Variants in CNTN5 observed in about 807,000 individuals in gnomAD.
The protein encoded by CNTN5 is contactin-5.
CNTN5 carries 77 observed loss-of-function variants against 129.1 expected under a neutral mutation model. The ratio of observed to expected loss-of-function variants is 0.60; its 90% confidence interval spans 0.50 to 0.72. CNTN5 has a LOEUF of 0.72. CNTN5 is among the 30% of genes least tolerant of loss of function. CNTN5 has a pLI of 0.00. For synonymous variants in CNTN5, 509 were observed against 465.6 expected, an observed-to-expected ratio of 1.09 and a Z score of -1.20; for missense variants, 1,478 against 1,328.8, an observed-to-expected ratio of 1.11 and a Z score of -1.75.
At chr11:99,277,418 C>A (rs1002835513) in intron 1 of CNTN5, among the ~76,000 whole-genome samples, 1 of 151,662 alleles carries the variant, frequency 6.6e-6, no homozygotes, top group Non-Finnish European at 1.5e-5. Context: ...CATGCACTCA[C>A]ACCATTGAGA....
intron 1 of CNTN5, among the ~76,000 whole-genome samples, chr11:99,037,444 A>G (rs1446714092): frequency 6.6e-6 from 1 of 152,030 alleles, no homozygotes; most frequent in East Asian, 1.9e-4. Context: ...AGCTACAACA[A>G]TGCATATATT....
chr11:99,048,480 G>A (rs1458978333), intron 1 of CNTN5, among the ~76,000 whole-genome samples: 2 of 151,934 alleles, frequency 1.3e-5, no homozygotes, highest in Non-Finnish European at 2.9e-5. Flanking sequence ...TTTTCACATA[G>A]CAAAAATATT....
chr11:99,431,730 A>C (rs1439122183), intron 2 of CNTN5, among the ~76,000 whole-genome samples: 1 of 152,204 alleles, frequency 6.6e-6, no homozygotes, highest in Non-Finnish European at 1.5e-5. Flanking sequence ...TTATTTTGCC[A>C]GCGTTAATGA....
At chr11:99,385,466 T>C (rs995937008) in intron 2 of CNTN5, among the ~76,000 whole-genome samples, 1 of 152,178 alleles carries the variant, frequency 6.6e-6, no homozygotes, top group East Asian at 1.9e-4. Flanking sequence ...ATTTTATTCA[T>C]AAACCAGTAA....
At chr11:99,389,006 T>TTTTATTTTAC (rs1941085181) in intron 2 of CNTN5, among the ~76,000 whole-genome samples, 1 of 147,316 alleles carries the variant, frequency 6.8e-6, no homozygotes, top group Non-Finnish European at 1.5e-5. Flanking sequence ...TTTTATTTTA[T>TTTTATTTTAC]TTTATTTTAT....
intron 1 of CNTN5, among the ~76,000 whole-genome samples, chr11:99,139,925 C>G (rs1237718103): frequency 1.3e-5 from 2 of 151,912 alleles, no homozygotes; most frequent in African/African-American, 4.8e-5. Context: ...GTTTTTAAAG[C>G]CAAAAACCTC....
At chr11:99,533,392 T>C (rs1490752584) in intron 2 of CNTN5, among the ~76,000 whole-genome samples, 1 of 152,248 alleles carries the variant, frequency 6.6e-6, no homozygotes, top group African/African-American at 2.4e-5. Context: ...GGTCTCTGGT[T>C]CCCAGATCCA....
At chr11:100,166,705 GAAAGT>G (rs751647311) in intron 13 of CNTN5, among the ~76,000 whole-genome samples, 30 of 151,648 alleles carry the variant, frequency 2.0e-4, no homozygotes, top group Non-Finnish European at 3.2e-4. Flanking sequence ...AGGCACAAAG[GAAAGT>G]AGTTACTAGC....
chr11:100,184,534 C>T (rs140216024), intron 13 of CNTN5, among the ~76,000 whole-genome samples: 189 of 152,244 alleles, frequency 1.2e-3, no homozygotes, highest in Non-Finnish European at 2.3e-3. Context: ...AGCAAGGGAA[C>T]AGGGACACAT....
rs545468472 is a variant in CNTN5, at chr11:99,825,067, C to T, written c.277+5302C>T. Among the ~76,000 whole-genome samples, 11 of 151,954 alleles carry T rather than the reference C, an allele frequency of 7.2e-5. No homozygotes were observed. The East Asian group carries it at 1.4e-3, about 19-fold the overall frequency. On this transcript the variant is annotated intron_variant, in intron 4 of 24. Coordinates refer to ENST00000524871, the MANE Select transcript of CNTN5 (RefSeq NM_014361.4). ...TTTCTGTTAGTTCTTGCTCATATGG[C>T]GTTGTCTAATAGTATGTGTTAGATA...
At chr11:100,037,376 T>G (rs1460868862) in intron 9 of CNTN5, among the ~76,000 whole-genome samples, 1 of 152,058 alleles carries the variant, frequency 6.6e-6, no homozygotes, top group Non-Finnish European at 1.5e-5. Context: ...TTGCCAGTAT[T>G]TTATTGAGGA....
chr11:99,713,235 A>G (rs1004433267), intron 3 of CNTN5, among the ~76,000 whole-genome samples: 3 of 151,858 alleles, frequency 2.0e-5, no homozygotes, highest in Admixed American at 6.6e-5. Flanking sequence ...GCATTTTATT[A>G]TCTTTGTAGC....
At chr11:99,315,943 TAG>T (rs1389222214) in intron 1 of CNTN5, among the ~76,000 whole-genome samples, 1 of 130,030 alleles carries the variant, frequency 7.7e-6, no homozygotes, top group Non-Finnish European at 1.8e-5. Flanking sequence ...ACGCAAATTA[TAG>T]AGAGGTAAAT....
intron 9 of CNTN5, among the ~76,000 whole-genome samples, chr11:100,043,950 G>A (rs1269241338): frequency 6.6e-6 from 1 of 151,944 alleles, no homozygotes; most frequent in East Asian, 1.9e-4. Flanking sequence ...TGTATATATT[G>A]TGTAGTGGTG....
rs1203699363 is a variant in CNTN5 at position 99,136,984 on chromosome 11, T to C, written c.-210+115714T>C. On this transcript the variant is annotated intron_variant, in intron 1 of 24. Coordinates refer to ENST00000524871, the MANE Select transcript of CNTN5 (RefSeq NM_014361.4). ...ATGCTGAAAAAATATTCAAATTTTT[T>C]ATCACATATTGAACAAGCAATATAT... Among the ~76,000 whole-genome samples the C allele has an allele frequency of 2.6e-5, 4 of 152,218 alleles. No homozygotes were observed. In the East Asian group the frequency reaches 5.8e-4, roughly 22 times the overall value.
At chr11:100,327,176 C>T (rs191053687) in intron 21 of CNTN5, among the ~76,000 whole-genome samples, 1 of 152,242 alleles carries the variant, frequency 6.6e-6, no homozygotes, top group Non-Finnish European at 1.5e-5. Context: ...GCCACAGGCA[C>T]ACTCCCAGCC....
chr11:100,025,397 A>C lies in CNTN5; in HGVS notation c.980+23261A>C, dbSNP rs188573725. Among the ~76,000 whole-genome samples, 310 of 152,286 alleles carry C rather than the reference A, an allele frequency of 2.0e-3. 2 individuals are homozygous for C. Among genetic ancestry groups the C allele is most frequent in the Non-Finnish European group, 3.2e-3 (217 of 68,020 alleles). Reference sequence around the variant, plus strand: ...CTGCAGGGCTTGAGCTTTCATGGAGAACCTATGCTGGTGCAGTGCAGAAGG... The same window carrying C: ...CTGCAGGGCTTGAGCTTTCATGGAGCACCTATGCTGGTGCAGTGCAGAAGG... On this transcript the variant is annotated intron_variant, in intron 9 of 24. Transcript: ENST00000524871.
At chr11:99,100,542 G>A (rs1591189244) in intron 1 of CNTN5, among the ~76,000 whole-genome samples, 2 of 151,850 alleles carry the variant, frequency 1.3e-5, no homozygotes, top group South Asian at 4.2e-4. Flanking sequence ...ATGTATTTTA[G>A]GATGACATTA....
intron 18 of CNTN5, among the ~76,000 whole-genome samples, chr11:100,275,407 A>G (rs1950488705): frequency 6.6e-6 from 1 of 152,242 alleles, no homozygotes. Context: ...CATATTTTCT[A>G]AAAAGCGCTG....
Sources: gnomAD v4.1 joint callset for allele counts (sites outside exome capture counted in the v4.1 genomes callset) on GRCh38, gnomAD v4.1.1 for gene constraint, MANE v1.5 for transcripts, NCBI Gene and HGNC (gene_info 2026-07-23, HGNC 2026-07-21) for gene names.